The following PLEKHH2 variants were observed in gnomAD, a reference collection of about 807,000 sequenced individuals.
PLEKHH2 encodes the protein pleckstrin homology, MyTH4 and FERM domain containing H2, also known as pleckstrin homology domain-containing family H member 2.
Under a neutral mutation model 187.9 loss-of-function variants are expected in PLEKHH2, and 129 were observed. The ratio of observed to expected loss-of-function variants is 0.69; its 90% CI spans 0.59 to 0.79. The LOEUF is 0.79. Among genes scored for constraint, PLEKHH2 ranks in the 30% least tolerant of loss-of-function variants. The pLI is 0.00. For synonymous variants in PLEKHH2, 686 were observed against 605.6 expected (o/e 1.13, Z -1.95); for missense variants, 2,076 against 1,751.2 (o/e 1.19, Z -3.31).
chr2:43,680,816 T>C (rs10191033), intron 3 of PLEKHH2: 199,674 of 425,588 alleles, frequency 0.47, 49,585 homozygotes, highest in Non-Finnish European at 0.52. Context: ...AATTATATCT[T>C]TCTTGATTGT....
intron 24 of PLEKHH2, among the ~76,000 whole-genome samples, chr2:43,746,833 G>A (rs552052915): frequency 9.9e-5 from 15 of 152,148 alleles, no homozygotes; most frequent in Admixed American, 3.3e-4. Flanking sequence ...AGCCAGGCGT[G>A]GTGGCGGGCA....
intron 3 of PLEKHH2, among the ~76,000 whole-genome samples, chr2:43,691,532 A>G (rs1010905433): frequency 6.6e-6 from 1 of 152,242 alleles, no homozygotes; most frequent in South Asian, 2.1e-4. Context: ...CCAAACGGGA[A>G]GGCAGGTTCT....
At chr2:43,735,677 A>T (rs1671258246) in intron 19 of PLEKHH2, among the ~76,000 whole-genome samples, 1 of 152,240 alleles carries the variant, frequency 6.6e-6, no homozygotes, top group Admixed American at 6.5e-5. Context: ...GTATCAAAAA[A>T]TTCATATGCT....
At chr2:43,651,970 T>C (rs1019962499) in intron 2 of PLEKHH2, among the ~76,000 whole-genome samples, 1 of 152,214 alleles carries the variant, frequency 6.6e-6, no homozygotes, top group African/African-American at 2.4e-5. Context: ...TTTTTAGTGG[T>C]CTATTTATAT....
chr2:43,688,410 G>T (rs1668633931), intron 3 of PLEKHH2, among the ~76,000 whole-genome samples: 1 of 152,138 alleles, frequency 6.6e-6, no homozygotes, highest in South Asian at 2.1e-4. Flanking sequence ...TCTTTGTCAT[G>T]CCACAGCAAT....
intron 1 of PLEKHH2, among the ~76,000 whole-genome samples, chr2:43,639,790 G>A (rs977055395): frequency 2.0e-5 from 3 of 151,476 alleles, no homozygotes; most frequent in African/African-American, 7.3e-5. Context: ...CCTAGTAGCT[G>A]GAATTATAGG....
At chr2:43,738,617 C>T in intron 20 of PLEKHH2, 97 bp downstream of exon 20, 1 of 1,209,710 alleles carries the variant, frequency 8.3e-7, no homozygotes, top group Non-Finnish European at 1.1e-6. Flanking sequence ...TTGGAGAATA[C>T]AAAAAGTGCA....
intron 19 of PLEKHH2, among the ~76,000 whole-genome samples, chr2:43,737,838 A>G (rs1399576005): frequency 6.6e-6 from 1 of 152,222 alleles, no homozygotes; most frequent in Non-Finnish European, 1.5e-5. Flanking sequence ...GGAATTAACT[A>G]TGGATCTGAA....
intron 1 of PLEKHH2, 43 bp from the exon 2 acceptor site, chr2:43,644,628 G>C: frequency 7.1e-7 from 1 of 1,406,748 alleles, no homozygotes. Flanking sequence ...GCATTTGAAT[G>C]TTTTACTTTT....
chr2:43,643,236 TG>T (rs1013228206), intron 1 of PLEKHH2, among the ~76,000 whole-genome samples: 14 of 151,954 alleles, frequency 9.2e-5, no homozygotes, highest in African/African-American at 3.4e-4. Context: ...CAGGAAACAA[TG>T]GGGCAAGGAT....
In PLEKHH2 at chr2:43,647,809, G is replaced by A. The variant is rs374171127; in HGVS notation, c.123+3013G>A. Among the ~76,000 whole-genome samples, 11 of 152,114 alleles carry A rather than the reference G, an allele frequency of 7.2e-5. No individual in the cohort carries two copies. In the South Asian group the frequency reaches 2.1e-3, roughly 29 times the overall value. ...AAGATTCTTGAGAGAATACTAATTTGGTTCTTTAGCTCTTTGCCCGGAATT... is the reference window on the plus strand; with the variant it reads ...AAGATTCTTGAGAGAATACTAATTTAGTTCTTTAGCTCTTTGCCCGGAATT... On this transcript the variant is annotated intron_variant, in intron 2 of 29. Transcript: ENST00000282406.
At chr2:43,654,620 G>A (rs78525166) in intron 2 of PLEKHH2, among the ~76,000 whole-genome samples, 26,679 of 139,652 alleles carry the variant, frequency 0.19, 2,646 homozygotes, top group Middle Eastern at 0.3. Context: ...GCTCATGTCT[G>A]TAATCCCAGT....
At chr2:43,765,354 T>C in intron 29 of PLEKHH2, 59 bp from the exon 30 acceptor site, 1 of 1,537,730 alleles carries the variant, frequency 6.5e-7, no homozygotes, top group South Asian at 1.2e-5. Context: ...CACTTTACTC[T>C]CTTCTGGAAG....
intron 3 of PLEKHH2, among the ~76,000 whole-genome samples, chr2:43,683,142 CTTT>C (rs34805310): frequency 1.1e-5 from 1 of 94,564 alleles, no homozygotes; most frequent in African/African-American, 4.3e-5. Context: ...TTTATATACC[CTTT>C]TTTTTTTTTT....
intron 15 of PLEKHH2, among the ~76,000 whole-genome samples, chr2:43,714,351 A>G (rs1343827167): frequency 6.6e-6 from 1 of 152,180 alleles, no homozygotes; most frequent in East Asian, 1.9e-4. Flanking sequence ...TGACTAAATC[A>G]TTAGGGTTTA....
chr2:43,764,244 A>G lies in PLEKHH2; in HGVS notation c.4175A>G (p.Tyr1392Cys). 1.3e-6 allele frequency: 2 copies of G among 1,518,308 alleles called. No individual in the cohort carries two copies. The highest frequency in any genetic ancestry group is 8.8e-7 in the Non-Finnish European group (1 of 1,130,684). 94.1% of individuals were successfully genotyped at this position (1,518,308 alleles called of 1,614,324 possible). The change falls in exon 29 of 30, where the codon TAT becomes TGT. Residue 1392 changes from tyrosine to cysteine, a missense_variant. Transcript: ENST00000282406. ...EYNSMRLIVS[Y>C]VYKSLMTFGG... ...TCTTTAAAGAGGTTAATAGTCAGCT[A>G]TGTGTACAAGAGTCTAATGACCTTT...
At chr2:43,675,919 T>C in intron 2 of PLEKHH2, 5 of 1,614,090 alleles carry the variant, frequency 3.1e-6, no homozygotes, top group Non-Finnish European at 4.2e-6. Context: ...GAACCAGTTG[T>C]AGTTGTCACC....
intron 8 of PLEKHH2, among the ~76,000 whole-genome samples, chr2:43,702,788 T>C (rs1240829635): frequency 6.6e-6 from 1 of 152,154 alleles, no homozygotes; most frequent in African/African-American, 2.4e-5. Context: ...TGGAATACCA[T>C]GCAAATTACA....
chr2:43,741,193 G>A, intron 21 of PLEKHH2, 150 bp downstream of exon 21: 1 of 571,200 alleles, frequency 1.8e-6, no homozygotes. Context: ...CATTGATGTG[G>A]AGCTAGGAAA....
Sources: gnomAD v4.1 joint callset for allele counts (sites outside exome capture counted in the v4.1 genomes callset) on GRCh38, gnomAD v4.1.1 for gene constraint, MANE v1.5 for transcripts, NCBI Gene and HGNC (gene_info 2026-07-23, HGNC 2026-07-21) for gene names.